Variants in CAB39 observed in about 807,000 individuals in gnomAD.
The protein encoded by CAB39 is calcium-binding protein 39.
A neutral mutation model predicts 40.0 loss-of-function variants in CAB39; 8 were observed. The observed-to-expected ratio is 0.20, with a 90% confidence interval of 0.12 to 0.36. The LOEUF is 0.36. CAB39 is among the 10% of genes least tolerant of loss of function. The pLI is 1.00. For synonymous variants in CAB39, 156 were observed against 141.6 expected, an observed-to-expected ratio of 1.10 and a Z score of -0.72; for missense variants, 270 against 401.1, an observed-to-expected ratio of 0.67 and a Z score of 2.79.
At chr2:230,740,390 A>G (rs1694855509) in intron 1 of CAB39, among the ~76,000 whole-genome samples, 1 of 152,250 alleles carries the variant, frequency 6.6e-6, no homozygotes, top group African/African-American at 2.4e-5. Flanking sequence ...TCCAAGTAAA[A>G]AAATTTAAAT....
intron 2 of CAB39, among the ~76,000 whole-genome samples, chr2:230,775,305 G>A (rs529693863): frequency 6.8e-6 from 1 of 147,590 alleles, no homozygotes; most frequent in East Asian, 2.0e-4. Flanking sequence ...GTGTGATCTC[G>A]GCTCACCGCA....
At chr2:230,742,673 G>A (rs1214600255) in intron 1 of CAB39, among the ~76,000 whole-genome samples, 2 of 151,768 alleles carry the variant, frequency 1.3e-5, no homozygotes, top group Admixed American at 6.6e-5. Flanking sequence ...GGGCAATAGA[G>A]ATGTACAATT....
At chr2:230,773,310 A>ATG (rs772464376) in intron 2 of CAB39, among the ~76,000 whole-genome samples, 116 of 84,490 alleles carry the variant, frequency 1.4e-3, no homozygotes, top group East Asian at 2.5e-3. Context: ...ATATATATAT[A>ATG]TATATGTGTG....
intron 1 of CAB39, among the ~76,000 whole-genome samples, chr2:230,715,789 A>G (rs547847051): frequency 2.0e-5 from 3 of 152,158 alleles, no homozygotes; most frequent in African/African-American, 4.8e-5. Flanking sequence ...TGCAACCTCA[A>G]CCTCCTGGGC....
intron 2 of CAB39, among the ~76,000 whole-genome samples, chr2:230,780,420 C>T (rs1338212867): frequency 6.6e-6 from 1 of 152,136 alleles, no homozygotes; most frequent in Non-Finnish European, 1.5e-5. Context: ...TACTCATGTC[C>T]TTTTTCTGAA....
chr2:230,735,324 G>A (rs1025872692), intron 1 of CAB39, among the ~76,000 whole-genome samples: 10 of 151,692 alleles, frequency 6.6e-5, no homozygotes, highest in South Asian at 2.1e-4. Flanking sequence ...TTGCCACCAC[G>A]CCTGGCTTAT....
chr2:230,728,616 A>G (rs1426765746), intron 1 of CAB39, among the ~76,000 whole-genome samples: 1 of 151,988 alleles, frequency 6.6e-6, no homozygotes, highest in Non-Finnish European at 1.5e-5. Flanking sequence ...TTTATCTTTT[A>G]TATGTTTTTT....
At chr2:230,764,749 C>G (rs1162427117) in intron 2 of CAB39, among the ~76,000 whole-genome samples, 1 of 152,142 alleles carries the variant, frequency 6.6e-6, no homozygotes, top group Non-Finnish European at 1.5e-5. Flanking sequence ...CCAGATAATT[C>G]AAGTCTGAAT....
chr2:230,781,616 T>C (rs1221064792), intron 2 of CAB39, among the ~76,000 whole-genome samples: 1 of 152,084 alleles, frequency 6.6e-6, no homozygotes, highest in African/African-American at 2.4e-5. Context: ...TTAGGTGACA[T>C]GATGATTCAG....
At chr2:230,714,894 C>T (rs912833978) in intron 1 of CAB39, among the ~76,000 whole-genome samples, 4 of 152,256 alleles carry the variant, frequency 2.6e-5, no homozygotes, top group African/African-American at 7.2e-5. Flanking sequence ...CACTTGTTTG[C>T]GTGTATGACA....
At chr2:230,725,496 C>T in intron 1 of CAB39, 1 of 1,106,218 alleles carries the variant, frequency 9.0e-7, no homozygotes, top group Non-Finnish European at 1.3e-6. Flanking sequence ...AATCTTTTAA[C>T]AGCCCTTTTT....
chr2:230,786,740 A>G (rs1450794153), intron 2 of CAB39, among the ~76,000 whole-genome samples: 3 of 152,244 alleles, frequency 2.0e-5, no homozygotes, highest in Non-Finnish European at 4.4e-5. Context: ...TAATGCATTC[A>G]CAAAACCTAT....
chr2:230,788,414 T>A (rs1695832617), intron 2 of CAB39, among the ~76,000 whole-genome samples: 1 of 152,186 alleles, frequency 6.6e-6, no homozygotes, highest in South Asian at 2.1e-4. Context: ...TATTTTTTGT[T>A]CTACATATGT....
At chr2:230,782,813 C>CTTTCTTTTTTTTTTTTTTTTTTTTTTT (rs1286339069) in intron 2 of CAB39, among the ~76,000 whole-genome samples, 1 of 81,766 alleles carries the variant, frequency 1.2e-5, no homozygotes, top group African/African-American at 6.3e-5. Flanking sequence ...TTCTTTCTTT[C>CTTTCTTTTTTTTTTTTTTTTTTTTTTT]TTTTTTTTTT....
intron 2 of CAB39, among the ~76,000 whole-genome samples, chr2:230,785,429 T>C (rs1203613708): frequency 6.6e-6 from 1 of 151,954 alleles, no homozygotes; most frequent in East Asian, 1.9e-4. Flanking sequence ...GGAGGGCCTA[T>C]TCGATTTTGT....
intron 5 of CAB39, among the ~76,000 whole-genome samples, chr2:230,807,424 A>T: frequency 2.2e-5 from 1 of 46,228 alleles, no homozygotes; most frequent in Non-Finnish European, 4.6e-5. Context: ...CCAACCCCCC[A>T]CCCCAGGCCT....
intron 2 of CAB39, among the ~76,000 whole-genome samples, chr2:230,784,084 A>G (rs1695745299): frequency 6.6e-6 from 1 of 152,194 alleles, no homozygotes; most frequent in Non-Finnish European, 1.5e-5. Flanking sequence ...GGCAAGAGTT[A>G]TGGGAACTTT....
At position 230,794,039 on chromosome 2, in the gene CAB39, C is replaced by T. The variant is rs118118152; in HGVS notation, c.398+708C>T. Among the ~76,000 whole-genome samples the T allele has an allele frequency of 3.3e-4, 50 of 152,250 alleles. No homozygotes were observed. The East Asian group carries it at 8.5e-3, about 26-fold the overall frequency. On this transcript the variant is annotated intron_variant, in intron 4 of 8. Transcript: ENST00000258418. ...TCACACCAGAGTTGTGTGCCAGCCC[C>T]GGGTATGGTGTGCATCTGTTTGTCC...
intron 5 of CAB39, among the ~76,000 whole-genome samples, chr2:230,809,093 G>C (rs561155241): frequency 2.0e-5 from 3 of 152,170 alleles, no homozygotes; most frequent in South Asian, 2.1e-4. Flanking sequence ...TCCGAAAGAC[G>C]AACAGTAGGT....
Sources: allele counts gnomAD v4.1 joint callset (sites outside exome capture counted in the v4.1 genomes callset), GRCh38; gene constraint gnomAD v4.1.1; transcripts MANE v1.5; gene names NCBI Gene and HGNC (gene_info 2026-07-23, HGNC 2026-07-21).